Variants in CACNA1A observed in about 807,000 individuals in gnomAD.
CACNA1A encodes the protein calcium voltage-gated channel subunit alpha1 A, also known as voltage-dependent P/Q-type calcium channel subunit alpha-1A.
In CACNA1A, 57 loss-of-function variants were observed where a neutral mutation model predicts 262.4. That is an observed-to-expected ratio of 0.22 (90% CI 0.18 to 0.27). The LOEUF is 0.27. CACNA1A is among the 10% of genes least tolerant of loss of function. The probability of loss-of-function intolerance (pLI) is 1.00; values close to 1 mark genes in which losing one functional copy is unlikely to be tolerated. For synonymous variants in CACNA1A, 1,431 were observed against 1,419.3 expected (o/e 1.01, Z -0.18); for missense variants, 2,526 against 3,562.8 (o/e 0.71, Z 7.41).
chr19:13,353,066 C>G (rs948466658), intron 6 of CACNA1A, among the ~76,000 whole-genome samples: 6 of 152,168 alleles, frequency 3.9e-5, no homozygotes, highest in African/African-American at 1.4e-4. Flanking sequence ...AGCCACCATG[C>G]CTGGCCTCCT....
intron 6 of CACNA1A, among the ~76,000 whole-genome samples, chr19:13,358,674 G>A (rs529144082): frequency 1.3e-5 from 2 of 152,162 alleles, no homozygotes; most frequent in Non-Finnish European, 2.9e-5. Flanking sequence ...TGCAAGTGGG[G>A]GCAGGGATAC....
At chr19:13,254,254 T>C (rs1358168699) in intron 29 of CACNA1A, among the ~76,000 whole-genome samples, 3 of 151,916 alleles carry the variant, frequency 2.0e-5, no homozygotes, top group Admixed American at 2.0e-4. Flanking sequence ...CGCTTTGGAG[T>C]CCAAAGCACA....
chr19:13,482,549 T>G (rs535315649), intron 1 of CACNA1A, among the ~76,000 whole-genome samples: 2 of 152,176 alleles, frequency 1.3e-5, no homozygotes, highest in South Asian at 2.1e-4. Flanking sequence ...GAACCTAGTT[T>G]CACTTTGTGA....
At chr19:13,428,979 G>A (rs781593524) in intron 3 of CACNA1A, among the ~76,000 whole-genome samples, 1 of 152,120 alleles carries the variant, frequency 6.6e-6, no homozygotes, top group Non-Finnish European at 1.5e-5. Context: ...AACAGAGAGA[G>A]CCTCTGCAAA....
rs1555756457 is a variant in CACNA1A at position 13,299,296 on chromosome 19, A to G, written c.2337T>C (p.Ser779=). ...CCAGCAAGTTCTGCTTTCGCATCTC[A>G]CTGGTCCGCTGCTCCCACACGGACT... ...PAKSVWEQRT[S]EMRKQNLLAS... The change falls in exon 19 of 47, where the codon AGT becomes AGC. Residue 779 remains serine, a synonymous_variant. Coordinates refer to ENST00000360228, the MANE Select transcript of CACNA1A (RefSeq NM_001127222.2). 3 of 1,602,432 alleles carry G rather than the reference A, an allele frequency of 1.9e-6. No homozygotes were observed. The highest frequency in any genetic ancestry group is 2.5e-6 in the Non-Finnish European group (3 of 1,179,792).
At chr19:13,454,297 C>T (rs1324970768) in intron 2 of CACNA1A, among the ~76,000 whole-genome samples, 1 of 151,644 alleles carries the variant, frequency 6.6e-6, no homozygotes, top group Non-Finnish European at 1.5e-5. Flanking sequence ...AAGCTGCCAG[C>T]CACACCCTTC....
At chr19:13,218,625 G>A (rs889347104) in intron 38 of CACNA1A, among the ~76,000 whole-genome samples, 2 of 152,218 alleles carry the variant, frequency 1.3e-5, no homozygotes, top group Non-Finnish European at 2.9e-5. Context: ...TGTTGCCCAG[G>A]CTGGAGTGCA....
rs10419673 is a variant in CACNA1A, at chr19:13,339,025, C to T, written c.979-3116G>A. Reference sequence around the variant, plus strand: ...GGATTACAGGCGCCCGCCACCATGCCTGGCTAATTTTTGTATTTTTAGTAG... The same window carrying T: ...GGATTACAGGCGCCCGCCACCATGCTTGGCTAATTTTTGTATTTTTAGTAG... On this transcript the variant is annotated intron_variant, in intron 6 of 46. Transcript: ENST00000360228. 1.2e-3 allele frequency among the ~76,000 whole-genome samples: 179 copies of T among 152,254 alleles called. 1 individual carries two copies. The highest frequency in any genetic ancestry group is 4.2e-3 in the African/African-American group (174 of 41,540).
chr19:13,337,858 C>T (rs116626588), intron 6 of CACNA1A, among the ~76,000 whole-genome samples: 270 of 152,324 alleles, frequency 1.8e-3, no homozygotes, highest in African/African-American at 6.3e-3. Flanking sequence ...TCCTAGGCTA[C>T]AAACCCATAC....
chr19:13,457,536 G>A (rs959514864), intron 1 of CACNA1A, among the ~76,000 whole-genome samples: 3 of 152,046 alleles, frequency 2.0e-5, no homozygotes, highest in Non-Finnish European at 4.4e-5. Flanking sequence ...TCATAGAATG[G>A]AATAGTATTC....
At chr19:13,414,019 G>A (rs181457655) in intron 3 of CACNA1A, among the ~76,000 whole-genome samples, 1 of 152,068 alleles carries the variant, frequency 6.6e-6, no homozygotes, top group Non-Finnish European at 1.5e-5. Context: ...TGAGATAAAA[G>A]CAGATAGAAG....
At position 13,209,009 on chromosome 19, in the gene CACNA1A, C is replaced by A. The variant is rs763045560; in HGVS notation, c.6527G>T (p.Gly2176Val). ...GGTCATGCTCAGGTCTGTCCCCAAG[C>A]CTGGGCCGGGTGAGGGTCAGACAGA... Reference protein sequence around the residue: ...SLGRYTDVDTGLGTDLSMTTQ... With the variant: ...SLGRYTDVDTVLGTDLSMTTQ... Residue 2176 changes from glycine to valine, a missense_variant and splice_region_variant, in exon 46 of 47, where the codon GGC becomes GTC. Gly to Val is a moderately radical substitution (Grantham distance 109). Transcript: ENST00000360228. The A allele has an allele frequency of 7.2e-6, 11 of 1,536,958 alleles. No homozygotes were observed. In the Admixed American group the frequency reaches 1.6e-4, roughly 22 times the overall value.
chr19:13,395,263 G>A (rs2059789073), intron 3 of CACNA1A, among the ~76,000 whole-genome samples: 2 of 116,738 alleles, frequency 1.7e-5, no homozygotes, highest in Non-Finnish European at 1.6e-5. Context: ...AACAGAGTGA[G>A]ACTCCATCTC....
At chr19:13,424,807 A>G (rs1274707328) in intron 3 of CACNA1A, among the ~76,000 whole-genome samples, 1 of 147,078 alleles carries the variant, frequency 6.8e-6, no homozygotes, top group Non-Finnish European at 1.5e-5. Flanking sequence ...CACAACAGAC[A>G]TCTATTTCTT....
chr19:13,500,474 A>G (rs1027286476), intron 1 of CACNA1A, among the ~76,000 whole-genome samples: 3 of 152,342 alleles, frequency 2.0e-5, no homozygotes, highest in African/African-American at 7.2e-5. Flanking sequence ...CCGGGATTTA[A>G]CACTATTACT....
chr19:13,239,050 T>C (rs914708984), intron 31 of CACNA1A, among the ~76,000 whole-genome samples: 34 of 152,264 alleles, frequency 2.2e-4, no homozygotes, highest in African/African-American at 6.0e-4. Flanking sequence ...CCCAGCCTCC[T>C]GTCAAGCTGT....
intron 10 of CACNA1A, among the ~76,000 whole-genome samples, chr19:13,322,334 A>G (rs1389608180): frequency 6.6e-6 from 1 of 152,204 alleles, no homozygotes; most frequent in East Asian, 1.9e-4. Flanking sequence ...CCAGAAACTA[A>G]GAAAATACCA....
At chr19:13,464,847 C>T (rs1599315635) in intron 1 of CACNA1A, among the ~76,000 whole-genome samples, 1 of 152,180 alleles carries the variant, frequency 6.6e-6, no homozygotes, top group Middle Eastern at 3.4e-3. Flanking sequence ...TGCGCCCGGC[C>T]AACTTTTCCT....
At chr19:13,464,647 C>G (rs906647080) in intron 1 of CACNA1A, among the ~76,000 whole-genome samples, 1 of 151,178 alleles carries the variant, frequency 6.6e-6, no homozygotes, top group Non-Finnish European at 1.5e-5. Context: ...CTCCCAGGTT[C>G]ACGCCATTCT....
Sources: allele counts gnomAD v4.1 joint callset (sites outside exome capture counted in the v4.1 genomes callset), GRCh38; gene constraint gnomAD v4.1.1; transcripts MANE v1.5; gene names NCBI Gene and HGNC (gene_info 2026-07-23, HGNC 2026-07-21).